The following PDE10A variants were observed in gnomAD, a reference collection of about 807,000 sequenced individuals.
The protein encoded by PDE10A is phosphodiesterase 10A.
Under a neutral mutation model 97.7 loss-of-function variants are expected in PDE10A, and 39 were observed. The observed-to-expected ratio is 0.40, with a 90% CI of 0.31 to 0.52. The LOEUF (loss-of-function observed/expected upper bound fraction) is 0.52, where lower values mean the gene tolerates loss of function less well. Ranked by LOEUF, PDE10A falls within the 20% of genes least tolerant of loss-of-function variation. PDE10A has a pLI of 0.56. For synonymous variants in PDE10A, 371 were observed against 376.8 expected, an observed-to-expected ratio of 0.98 and a Z score of 0.18; for missense variants, 731 against 1,047.8, an observed-to-expected ratio of 0.70 and a Z score of 4.17.
intron 1 of PDE10A, among the ~76,000 whole-genome samples, chr6:165,746,499 C>T (rs1792846620): frequency 1.3e-5 from 2 of 152,202 alleles, no homozygotes; most frequent in East Asian, 3.8e-4. Flanking sequence ...GCAAACAATG[C>T]GGCAGGAGGG....
At chr6:165,982,126 A>C (rs1021874770) in intron 1 of PDE10A, among the ~76,000 whole-genome samples, 7 of 152,148 alleles carry the variant, frequency 4.6e-5, no homozygotes, top group Non-Finnish European at 1.0e-4. Context: ...GGTTATTGAA[A>C]ACCATATGTT....
intron 1 of PDE10A, among the ~76,000 whole-genome samples, chr6:165,817,924 C>T (rs534975125): frequency 6.6e-5 from 10 of 152,240 alleles, no homozygotes; most frequent in African/African-American, 2.2e-4. Context: ...CCTATCTGAC[C>T]CTACCTGCCT....
chr6:165,531,587 C>T (rs531842512), intron 2 of PDE10A, among the ~76,000 whole-genome samples: 2 of 152,048 alleles, frequency 1.3e-5, no homozygotes, highest in Non-Finnish European at 2.9e-5. Context: ...TTTCCAGATG[C>T]CCTTAAAATA....
intron 1 of PDE10A, among the ~76,000 whole-genome samples, chr6:165,856,977 C>T (rs1013189067): frequency 1.1e-4 from 16 of 152,158 alleles, no homozygotes; most frequent in Admixed American, 5.2e-4. Context: ...ATAAATTACC[C>T]AGCTGAAAGA....
At chr6:165,634,955 C>A (rs1292708979) in intron 1 of PDE10A, among the ~76,000 whole-genome samples, 1 of 152,180 alleles carries the variant, frequency 6.6e-6, no homozygotes, top group Non-Finnish European at 1.5e-5. Flanking sequence ...TTCATTTAAG[C>A]ATTTATATAG....
chr6:165,466,581 A>G (rs536142771), intron 3 of PDE10A, among the ~76,000 whole-genome samples: 3 of 152,294 alleles, frequency 2.0e-5, no homozygotes, highest in Non-Finnish European at 4.4e-5. Flanking sequence ...GCCTGTGTTC[A>G]CTTCATGTCT....
chr6:165,885,246 T>G (rs1781596096), intron 1 of PDE10A, among the ~76,000 whole-genome samples: 1 of 152,134 alleles, frequency 6.6e-6, no homozygotes, highest in Admixed American at 6.5e-5. Context: ...AAGAAAAGAC[T>G]CACAGTTCTG....
At position 165,730,376 on chromosome 6, in the gene PDE10A, T is replaced by C. The variant is rs374935068; in HGVS notation, c.-614-186808A>G. Among the ~76,000 whole-genome samples, 31 of 152,292 alleles carry C rather than the reference T, an allele frequency of 2.0e-4. No homozygotes were observed. The East Asian group carries it at 5.8e-3, about 28-fold the overall frequency. On this transcript the variant is annotated intron_variant, in intron 1 of 19. Coordinates refer to the PDE10A transcript ENST00000366882. ...ATCCTCGGTTCCCGTGTCAAATAAATCACGTCCCCCATCCCAGAGCATTTT... is the reference window on the plus strand; with the variant it reads ...ATCCTCGGTTCCCGTGTCAAATAAACCACGTCCCCCATCCCAGAGCATTTT...
intron 1 of PDE10A, among the ~76,000 whole-genome samples, chr6:165,650,002 G>A (rs1402161002): frequency 6.6e-6 from 1 of 152,204 alleles, no homozygotes; most frequent in Admixed American, 6.5e-5. Context: ...GAGCTGATAA[G>A]ATAACCACAA....
Position 165,540,496 on chromosome 6 carries a change from T to C in PDE10A, c.994+2944A>G, listed in dbSNP as rs77877075. 6.6e-4 allele frequency among the ~76,000 whole-genome samples: 100 copies of C among 152,310 alleles called. 2 individuals carry two copies. The East Asian group carries it at 0.015, about 22-fold the overall frequency. On this transcript the variant is annotated intron_variant, in intron 2 of 21. Transcript: ENST00000539869. ...CAACAAGCTATTCTCCAATATCTTC[T>C]ATCTGCCACAGTTTCTGTTCCTGGT... is the stretch of plus-strand genomic sequence containing the variant.
intron 1 of PDE10A, among the ~76,000 whole-genome samples, chr6:165,849,808 A>G (rs1228354606): frequency 8.4e-6 from 1 of 118,646 alleles, no homozygotes; most frequent in Admixed American, 1.0e-4. Context: ...TTTCAAGTAA[A>G]AATGGTGTTT....
At chr6:165,398,941 T>G (rs1163467957) in intron 13 of PDE10A, among the ~76,000 whole-genome samples, 1 of 152,096 alleles carries the variant, frequency 6.6e-6, no homozygotes, top group Non-Finnish European at 1.5e-5. Context: ...AGAATTCTAC[T>G]CGAACTATAA....
intron 1 of PDE10A, among the ~76,000 whole-genome samples, chr6:165,696,655 A>T (rs1791451052): frequency 6.6e-6 from 1 of 152,214 alleles, no homozygotes; most frequent in Non-Finnish European, 1.5e-5. Context: ...AGTATGACCC[A>T]TATACTGGGG....
chr6:165,773,537 A>G (rs1267371453), intron 1 of PDE10A, among the ~76,000 whole-genome samples: 1 of 152,258 alleles, frequency 6.6e-6, no homozygotes, highest in Non-Finnish European at 1.5e-5. Flanking sequence ...AACAAATTTC[A>G]GAGAAGTCCA....
intron 1 of PDE10A, among the ~76,000 whole-genome samples, chr6:165,647,761 C>T (rs927048334): frequency 4.6e-5 from 7 of 152,206 alleles, no homozygotes; most frequent in Admixed American, 6.5e-5. Context: ...TTGGACGTCA[C>T]TTGCAGAGAC....
intron 1 of PDE10A, among the ~76,000 whole-genome samples, chr6:165,643,207 GTGGA>G: frequency 6.6e-6 from 1 of 152,204 alleles, no homozygotes; most frequent in Middle Eastern, 3.4e-3. Context: ...AGGTAGGTGG[GTGGA>G]TGGATAGATA....
intron 1 of PDE10A, among the ~76,000 whole-genome samples, chr6:165,931,313 A>G: frequency 6.6e-6 from 1 of 152,252 alleles, no homozygotes; most frequent in East Asian, 1.9e-4. Context: ...TGTTCACAAG[A>G]ATAGATACCA....
At chr6:165,629,206 G>A (rs537669882) in intron 1 of PDE10A, among the ~76,000 whole-genome samples, 2 of 152,210 alleles carry the variant, frequency 1.3e-5, no homozygotes, top group Admixed American at 1.3e-4. Flanking sequence ...CAGCAGCAGC[G>A]AGCTCAGAGG....
At chr6:165,416,438 G>A (rs517550) in intron 11 of PDE10A, among the ~76,000 whole-genome samples, 157 bp from the exon 12 acceptor site, 57,452 of 151,998 alleles carry the variant, frequency 0.38, 11,444 homozygotes, top group Admixed American at 0.42. Context: ...ACCTTATGAA[G>A]TACGTAAAAA....
Sources: allele counts gnomAD v4.1 joint callset (sites outside exome capture counted in the v4.1 genomes callset), GRCh38; gene constraint gnomAD v4.1.1; transcripts MANE v1.5; gene names NCBI Gene and HGNC (gene_info 2026-07-23, HGNC 2026-07-21).